The following PCDH7 variants were observed in gnomAD, a reference collection of about 807,000 sequenced individuals.
PCDH7 encodes the protein protocadherin-7.
PCDH7 carries 17 observed loss-of-function variants against 58.9 expected under a neutral mutation model. The observed-to-expected ratio is 0.29, with a 90% confidence interval of 0.20 to 0.43. The LOEUF is 0.43. Among genes scored for constraint, PCDH7 ranks in the 20% least tolerant of loss-of-function variants. The pLI, the probability that PCDH7 is intolerant of heterozygous loss-of-function variation, is 1.00. For synonymous variants in PCDH7, 664 were observed against 616.4 expected, an observed-to-expected ratio of 1.08 and a Z score of -1.14; for missense variants, 1,274 against 1,441.0, an observed-to-expected ratio of 0.88 and a Z score of 1.88.
At chr4:31,024,870 G>A (rs1039164652) in intron 3 of PCDH7, among the ~76,000 whole-genome samples, 1 of 152,108 alleles carries the variant, frequency 6.6e-6, no homozygotes, top group Non-Finnish European at 1.5e-5. Flanking sequence ...AGCCTCTGGA[G>A]TATCTGGGAC....
intron 1 of PCDH7, among the ~76,000 whole-genome samples, chr4:30,810,399 T>G (rs1726817455): frequency 1.3e-5 from 2 of 151,240 alleles, no homozygotes; most frequent in South Asian, 4.2e-4. Flanking sequence ...ACTAATTGGA[T>G]CTGCACTTAA....
In PCDH7 at chr4:30,732,956, A is replaced by C. The variant is rs146241268; in HGVS notation, c.*2168A>C. 23 of 152,316 alleles carry C rather than the reference A, an allele frequency of 1.5e-4. No homozygotes were observed. In the East Asian group the frequency reaches 3.9e-3, roughly 26 times the overall value. 9.4% of individuals were successfully genotyped at this position (152,316 alleles called of 1,614,324 possible). On this transcript the variant is annotated 3_prime_UTR_variant, in exon 2 of 2. Transcript: ENST00000361762. The stretch of plus-strand genomic sequence containing the variant: ...ATTCCTCTACTATTCTTGTGATTAA[A>C]AACAAAAAATCTTTGAACACGTGCC...
At chr4:30,830,928 T>G (rs1729688643) in intron 1 of PCDH7, among the ~76,000 whole-genome samples, 1 of 152,132 alleles carries the variant, frequency 6.6e-6, no homozygotes, top group Admixed American at 6.6e-5. Context: ...TTCCACTCTC[T>G]CCATCTTTCT....
chr4:31,097,745 A>G (rs1024212153), intron 3 of PCDH7, among the ~76,000 whole-genome samples: 1 of 150,726 alleles, frequency 6.6e-6, no homozygotes, highest in African/African-American at 2.4e-5. Flanking sequence ...TTTAAAAACC[A>G]GCTAGCTTAT....
At chr4:30,866,013 T>C (rs1734837264) in intron 1 of PCDH7, among the ~76,000 whole-genome samples, 1 of 152,084 alleles carries the variant, frequency 6.6e-6, no homozygotes, top group Admixed American at 6.6e-5. Flanking sequence ...TTCTGTGTTT[T>C]TGCCTGAACC....
intron 3 of PCDH7, among the ~76,000 whole-genome samples, chr4:31,117,664 G>T (rs1039215546): frequency 6.6e-6 from 1 of 152,008 alleles, no homozygotes; most frequent in Admixed American, 6.6e-5. Context: ...GACTACATTT[G>T]TTCCTTGATA....
At chr4:31,013,416 GTA>G (rs1035317272) in intron 3 of PCDH7, among the ~76,000 whole-genome samples, 1 of 148,614 alleles carries the variant, frequency 6.7e-6, no homozygotes, top group Non-Finnish European at 1.5e-5. Context: ...TTATATACAC[GTA>G]TATATATACA....
chr4:30,846,291 G>A (rs888261764), intron 1 of PCDH7, among the ~76,000 whole-genome samples: 1 of 152,048 alleles, frequency 6.6e-6, no homozygotes, highest in Non-Finnish European at 1.5e-5. Flanking sequence ...ATGGATTCAT[G>A]TTGCTATCAC....
intron 3 of PCDH7, among the ~76,000 whole-genome samples, chr4:31,056,517 G>GAA (rs1491230659): frequency 2.1e-5 from 2 of 95,036 alleles, no homozygotes; most frequent in South Asian, 4.3e-4. Flanking sequence ...AAGAAAGAAA[G>GAA]GGGAAGGGAA....
intron 3 of PCDH7, among the ~76,000 whole-genome samples, chr4:31,057,160 A>G (rs1757325567): frequency 6.6e-6 from 1 of 152,226 alleles, no homozygotes; most frequent in South Asian, 2.1e-4. Flanking sequence ...ACTTTCAAAA[A>G]TAGTTTTACT....
chr4:30,887,753 ATTAAC>A (rs1001785800), intron 1 of PCDH7, among the ~76,000 whole-genome samples: 2 of 152,212 alleles, frequency 1.3e-5, no homozygotes, highest in Non-Finnish European at 2.9e-5. Flanking sequence ...ATGTAGAACA[ATTAAC>A]TTAGACTCAA....
intron 3 of PCDH7, among the ~76,000 whole-genome samples, chr4:30,966,648 A>G (rs1376017314): frequency 2.0e-5 from 3 of 152,084 alleles, no homozygotes; most frequent in African/African-American, 7.2e-5. Context: ...GAAAAACTGT[A>G]AGGAGGGAGT....
chr4:30,880,035 C>T (rs1332259708), intron 1 of PCDH7, among the ~76,000 whole-genome samples: 1 of 152,068 alleles, frequency 6.6e-6, no homozygotes. Flanking sequence ...TTGGAACCCC[C>T]ACTCTTAGTC....
At chr4:30,758,185 G>A (rs1247834064) in intron 1 of PCDH7, among the ~76,000 whole-genome samples, 3 of 152,122 alleles carry the variant, frequency 2.0e-5, no homozygotes, top group Non-Finnish European at 4.4e-5. Flanking sequence ...ACTGTAGGAG[G>A]GAGGAAACCA....
intron 2 of PCDH7, chr4:30,925,863 G>A (rs1743805182): frequency 6.6e-6 from 1 of 152,182 alleles, no homozygotes; most frequent in African/African-American, 2.4e-5. Flanking sequence ...ATCTAAAAGA[G>A]TCTAAAGAAG....
chr4:30,934,534 T>C (rs1323445094), intron 2 of PCDH7, among the ~76,000 whole-genome samples: 4 of 152,146 alleles, frequency 2.6e-5, no homozygotes, highest in Non-Finnish European at 5.9e-5. Flanking sequence ...ACTCTCGGGC[T>C]TCATATTTTC....
chr4:30,804,645 A>G (rs1483625337), intron 1 of PCDH7, among the ~76,000 whole-genome samples: 1 of 152,134 alleles, frequency 6.6e-6, no homozygotes, highest in East Asian at 1.9e-4. Context: ...AGAAGAGAGC[A>G]GTCCTCACTA....
chr4:30,799,509 T>A (rs1053732558), intron 1 of PCDH7, among the ~76,000 whole-genome samples: 4 of 152,204 alleles, frequency 2.6e-5, no homozygotes, highest in Non-Finnish European at 5.9e-5. Flanking sequence ...TGGATTATGC[T>A]ATATCATAAA....
At chr4:30,752,801 A>C (rs1718739006) in intron 1 of PCDH7, among the ~76,000 whole-genome samples, 1 of 143,046 alleles carries the variant, frequency 7.0e-6, no homozygotes, top group African/African-American at 2.6e-5. Context: ...AAAAAAAAAA[A>C]AGAAAGAAAA....
Sources: gnomAD v4.1 joint callset for allele counts (sites outside exome capture counted in the v4.1 genomes callset) on GRCh38, gnomAD v4.1.1 for gene constraint, MANE v1.5 for transcripts, NCBI Gene and HGNC (gene_info 2026-07-23, HGNC 2026-07-21) for gene names.